COLEC11: variants seen among roughly 807,000 people sequenced by gnomAD.
COLEC11 encodes collectin-11.
COLEC11 carries 20 observed loss-of-function variants against 27.3 expected under a neutral mutation model. The ratio of observed to expected loss-of-function variants is 0.73; its 90% confidence interval spans 0.51 to 1.06. The LOEUF (loss-of-function observed/expected upper bound fraction) is 1.06. COLEC11 is among the 50% of genes least tolerant of loss of function. The pLI, the probability that COLEC11 is intolerant of heterozygous loss-of-function variation, is 0.00. For synonymous variants in COLEC11, 163 were observed against 154.7 expected, an observed-to-expected ratio of 1.05 and a Z score of -0.40; for missense variants, 310 against 383.0, an observed-to-expected ratio of 0.81 and a Z score of 1.59.
chr2:3,600,381 C>T (rs537390639), intron 1 of COLEC11, among the ~76,000 whole-genome samples: 1 of 152,184 alleles, frequency 6.6e-6, no homozygotes, highest in East Asian at 1.9e-4. Context: ...ATGGTGAGAA[C>T]CTGTCTCTAC....
chr2:3,619,898 T>C (rs543029011), intron 3 of COLEC11, among the ~76,000 whole-genome samples: 15 of 152,348 alleles, frequency 9.8e-5, no homozygotes, highest in African/African-American at 3.6e-4. Context: ...AGTGCTGGGA[T>C]TACAAGCATG....
chr2:3,605,249 C>A (rs1403889533), intron 2 of COLEC11, among the ~76,000 whole-genome samples: 2 of 151,176 alleles, frequency 1.3e-5, no homozygotes, highest in African/African-American at 4.9e-5. Context: ...CGGGGCTGCA[C>A]CGGCCGCAGC....
chr2:3,608,069 C>G (rs1046756118), intron 2 of COLEC11, among the ~76,000 whole-genome samples: 14 of 152,234 alleles, frequency 9.2e-5, no homozygotes, highest in Non-Finnish European at 1.6e-4. Flanking sequence ...CCTCAACTGG[C>G]TATAAATATG....
At chr2:3,614,535 CTTT>C (rs939239804) in intron 3 of COLEC11, among the ~76,000 whole-genome samples, 6 of 151,192 alleles carry the variant, frequency 4.0e-5, no homozygotes, top group Non-Finnish European at 7.4e-5. Context: ...CTGGAACATT[CTTT>C]TTTTTTCTTT....
intron 4 of COLEC11, among the ~76,000 whole-genome samples, chr2:3,638,325 G>A (rs1174675836): frequency 6.6e-6 from 1 of 152,208 alleles, no homozygotes; most frequent in South Asian, 2.1e-4. Context: ...TGGGCTCTGG[G>A]GGACGAAGTC....
intron 3 of COLEC11, among the ~76,000 whole-genome samples, chr2:3,618,229 T>C (rs1663925832): frequency 1.3e-5 from 2 of 152,248 alleles, no homozygotes; most frequent in Admixed American, 6.5e-5. Flanking sequence ...TTTGCTTTTG[T>C]TGCATGTGCT....
At chr2:3,597,421 C>T (rs1661924677) in intron 1 of COLEC11, among the ~76,000 whole-genome samples, 1 of 151,918 alleles carries the variant, frequency 6.6e-6, no homozygotes, top group South Asian at 2.1e-4. Flanking sequence ...AGAAATCCCG[C>T]CTGGGCTGCT....
At chr2:3,633,993 C>T (rs566876346) in intron 3 of COLEC11, among the ~76,000 whole-genome samples, 1 of 152,320 alleles carries the variant, frequency 6.6e-6, no homozygotes, top group Non-Finnish European at 1.5e-5. Context: ...GCACGGGGCT[C>T]ACCTTTCAGC....
At chr2:3,619,008 AT>A (rs1289916072) in intron 3 of COLEC11, among the ~76,000 whole-genome samples, 1 of 151,920 alleles carries the variant, frequency 6.6e-6, no homozygotes, top group Non-Finnish European at 1.5e-5. Context: ...TCGTGTGTTG[AT>A]TTTGTATCCT....
chr2:3,637,781 G>A (rs1195469850), intron 4 of COLEC11, among the ~76,000 whole-genome samples, 177 bp downstream of exon 4: 2 of 152,302 alleles, frequency 1.3e-5, no homozygotes, highest in South Asian at 2.1e-4. Flanking sequence ...GGAGCTAGTT[G>A]CTGGCTCTGT....
intron 2 of COLEC11, among the ~76,000 whole-genome samples, chr2:3,611,675 A>G (rs1663207038): frequency 6.6e-6 from 1 of 152,188 alleles, no homozygotes; most frequent in Admixed American, 6.5e-5. Flanking sequence ...GCTTTTCAGT[A>G]GGTGGCCCTG....
At chr2:3,617,388 G>C (rs1343209230) in intron 3 of COLEC11, among the ~76,000 whole-genome samples, 1 of 152,112 alleles carries the variant, frequency 6.6e-6, no homozygotes, top group Non-Finnish European at 1.5e-5. Flanking sequence ...AGACAGGCGC[G>C]GCCTTCGTTG....
At chr2:3,637,667 C>T (rs1471881742) in intron 4 of COLEC11, 63 bp downstream of exon 4, 2 of 1,269,906 alleles carry the variant, frequency 1.6e-6, no homozygotes, top group Non-Finnish European at 2.3e-6. Flanking sequence ...TCTGGATACC[C>T]TGAGAATAAT....
At chr2:3,635,459 C>G (rs1448244275) in intron 3 of COLEC11, among the ~76,000 whole-genome samples, 3 of 152,216 alleles carry the variant, frequency 2.0e-5, no homozygotes, top group African/African-American at 7.2e-5. Flanking sequence ...CTTCGCCAAC[C>G]CTCCACATCT....
intron 3 of COLEC11, among the ~76,000 whole-genome samples, chr2:3,634,332 G>A (rs1170542746): frequency 2.0e-5 from 3 of 152,198 alleles, no homozygotes; most frequent in African/African-American, 7.2e-5. Context: ...AATGTTTAGA[G>A]GACTCTTGGA....
At chr2:3,612,900 A>G (rs1308061510) in intron 2 of COLEC11, among the ~76,000 whole-genome samples, 6 of 152,064 alleles carry the variant, frequency 3.9e-5, no homozygotes, top group African/African-American at 1.2e-4. Context: ...TTCCCTGAGT[A>G]CCAAGCAGAT....
intron 1 of COLEC11, among the ~76,000 whole-genome samples, chr2:3,600,218 G>A (rs1662120666): frequency 6.9e-6 from 1 of 145,298 alleles, no homozygotes. Context: ...CTGGGTGACA[G>A]TGCGAGACTC....
intron 3 of COLEC11, among the ~76,000 whole-genome samples, chr2:3,619,724 C>T (rs934912900): frequency 2.6e-5 from 4 of 152,144 alleles, no homozygotes; most frequent in Non-Finnish European, 4.4e-5. Flanking sequence ...CTCCTGAGTT[C>T]AACCGATTCT....
At chr2:3,621,001 T>TTC (rs1241363538) in intron 3 of COLEC11, among the ~76,000 whole-genome samples, 1 of 152,186 alleles carries the variant, frequency 6.6e-6, no homozygotes, top group Non-Finnish European at 1.5e-5. Context: ...GGAATGTGTT[T>TTC]TCTGCTGCTG....
Sources: gnomAD v4.1 joint callset for allele counts (sites outside exome capture counted in the v4.1 genomes callset) on GRCh38, gnomAD v4.1.1 for gene constraint, MANE v1.5 for transcripts, NCBI Gene and HGNC (gene_info 2026-07-23, HGNC 2026-07-21) for gene names.